The following ZSCAN5A variants were observed in gnomAD, a reference collection of about 807,000 sequenced individuals.
ZSCAN5A encodes zinc finger and SCAN domain-containing protein 5A.
ZSCAN5A carries 12 observed loss-of-function variants against 23.7 expected under a neutral mutation model. That is an observed-to-expected ratio of 0.51 (90% CI 0.32 to 0.82). The LOEUF is 0.82. ZSCAN5A is among the 40% of genes least tolerant of loss of function. The pLI is 0.03. For synonymous variants in ZSCAN5A, 257 were observed against 239.9 expected (o/e 1.07, Z -0.66); for missense variants, 597 against 617.9 (o/e 0.97, Z 0.36).
At chr19:56,247,911 C>T (rs539855356) in intron 2 of ZSCAN5A, among the ~76,000 whole-genome samples, 1 of 152,140 alleles carries the variant, frequency 6.6e-6, no homozygotes, top group African/African-American at 2.4e-5. Context: ...AGGATGGTCT[C>T]GATCTCCTGA....
Position 56,225,174 on chromosome 19 carries a change from C to CT in ZSCAN5A, c.-127-2dup. Reference sequence around the variant, plus strand: ...ATAGATTCACTGTTCATTCAGAAGTCTGGGGGGGAAAAGTATGAGCCTCAT... The same window carrying CT: ...ATAGATTCACTGTTCATTCAGAAGTCTTGGGGGGGAAAAGTATGAGCCTCAT... On this transcript the variant is annotated splice_acceptor_variant, in intron 2 of 5. Coordinates refer to ENST00000683990, the MANE Select transcript of ZSCAN5A (RefSeq NM_001322064.3). LOFTEE classifies it low-confidence loss of function (5UTR_SPLICE). The CT allele has an allele frequency of 3.6e-6, 5 of 1,379,802 alleles. No homozygotes were observed. Among genetic ancestry groups the CT allele is most frequent in the Non-Finnish European group, 4.6e-6 (5 of 1,076,246 alleles). The allele number at this position is 1,379,802 out of a possible 1,614,324, so 85.5% of individuals were successfully genotyped here.
intron 2 of ZSCAN5A, among the ~76,000 whole-genome samples, chr19:56,359,088 A>G (rs10418348): frequency 1.3e-5 from 2 of 152,106 alleles, no homozygotes; most frequent in African/African-American, 4.8e-5. Flanking sequence ...GCACAACTGA[A>G]GAAGAAAGAG....
chr19:56,252,607 G>A (rs1417161205), intron 2 of ZSCAN5A, among the ~76,000 whole-genome samples: 2 of 152,176 alleles, frequency 1.3e-5, no homozygotes, highest in Non-Finnish European at 2.9e-5. Flanking sequence ...AGAAGAGGGA[G>A]TACCCAGGTT....
rs749986484 is a variant in ZSCAN5A at position 56,221,955 on chromosome 19, G to C, written c.1111C>G (p.Leu371Val). The change falls in exon 6 of 6, where the codon CTA becomes GTA. Residue 371 changes from leucine to valine, a missense_variant. Leu to Val is a conservative substitution (Grantham distance 32). This residue lies in a region of ZSCAN5A where 406 missense variants were observed against 353.2 expected (regional missense o/e 1.15). Coordinates refer to ENST00000683990, the MANE Select transcript of ZSCAN5A (RefSeq NM_001322064.3). ...CEKRFTCNSK[L>V]VIHKRSHTGE... ...GTGTGTGATCTCTTGTGGATGACTA[G>C]CTTGGAATTACACGTAAACCTCTTC... The C allele has an allele frequency of 1.2e-6, 2 of 1,614,042 alleles. No individual in the cohort carries two copies. Among genetic ancestry groups the C allele is most frequent in the Admixed American group, 3.3e-5 (2 of 60,006 alleles).
Position 56,221,844 on chromosome 19 carries a change from C to G in ZSCAN5A, c.1222G>C (p.Gly408Arg), listed in dbSNP as rs1391880425. The change falls in exon 6 of 6, where the codon GGC (glycine) becomes CGC (arginine). Residue 408 changes from glycine (G) to arginine (R), a missense_variant. Gly to Arg is a moderately radical substitution (Grantham distance 125). Coordinates refer to ENST00000683990, the MANE Select transcript of ZSCAN5A (RefSeq NM_001322064.3). ...ACGTCACACGTGTAGGGCCTCTCGCCAGTGTGGGTTCGCTGGTGAAATTGG... is the reference window on the plus strand; with the variant it reads ...ACGTCACACGTGTAGGGCCTCTCGCGAGTGTGGGTTCGCTGGTGAAATTGG... Reference protein sequence around the residue: ...SLQFHQRTHTGERPYTCDVCQ... With the variant: ...SLQFHQRTHTRERPYTCDVCQ... 1 of 1,614,126 alleles carries G rather than the reference C, an allele frequency of 6.2e-7. No homozygotes were observed. The highest frequency in any genetic ancestry group is 1.1e-5 in the South Asian group (1 of 91,080).
chr19:56,223,107 C>A (rs572572042), intron 4 of ZSCAN5A, among the ~76,000 whole-genome samples: 1 of 152,278 alleles, frequency 6.6e-6, no homozygotes, highest in South Asian at 2.1e-4. Context: ...CTGCATCACC[C>A]TGCTGGAGGG....
At chr19:56,303,973 A>AG (rs2040513176) in intron 2 of ZSCAN5A, among the ~76,000 whole-genome samples, 1 of 152,184 alleles carries the variant, frequency 6.6e-6, no homozygotes, top group Non-Finnish European at 1.5e-5. Flanking sequence ...GTGACCTGAG[A>AG]GGGGCAGGGG....
chr19:56,227,257 T>C (rs753741283), intron 2 of ZSCAN5A, among the ~76,000 whole-genome samples: 9 of 152,252 alleles, frequency 5.9e-5, no homozygotes, highest in Non-Finnish European at 1.2e-4. Flanking sequence ...TTTGTAATAC[T>C]ACAAAGCATA....
Position 56,250,533 on chromosome 19 carries a change from A to G in ZSCAN5A, c.-127-25360T>C, listed in dbSNP as rs188205190. Among the ~76,000 whole-genome samples the G allele has an allele frequency of 2.6e-3, 389 of 152,278 alleles. 2 individuals carry two copies. Among genetic ancestry groups the G allele is most frequent in the African/African-American group, 8.8e-3 (364 of 41,556 alleles). On this transcript the variant is annotated intron_variant, in intron 2 of 5. Transcript: ENST00000683990. ...ACATGCTGCTCGTCAATAGACCCTCATTTCAGTGGTGAGGAGGCAGTCTCC... is the reference window on the plus strand; with the variant it reads ...ACATGCTGCTCGTCAATAGACCCTCGTTTCAGTGGTGAGGAGGCAGTCTCC...
At chr19:56,322,129 T>C (rs1239615590) in intron 2 of ZSCAN5A, 3 of 765,050 alleles carry the variant, frequency 3.9e-6, no homozygotes, top group Non-Finnish European at 7.3e-6. Flanking sequence ...GCAAAGTCAG[T>C]AGCTGAGCGT....
At position 56,357,361 on chromosome 19, in the gene ZSCAN5A, A is replaced by G. The variant is rs140456458; in HGVS notation, c.-358+5874T>C. On this transcript the variant is annotated intron_variant, in intron 2 of 6. Transcript: ENST00000587340. ...CCCCTGACACAGACTTTATCATTAC[A>G]TAATACTTACACATGTTTTGTTGGT... Among the ~76,000 whole-genome samples the G allele has an allele frequency of 1.9e-4, 29 of 148,778 alleles. 4 individuals carry two copies. Among genetic ancestry groups the G allele is most frequent in the African/African-American group, 7.1e-4 (28 of 39,524 alleles).
chr19:56,246,866 T>C (rs777707245), intron 2 of ZSCAN5A: 17 of 1,610,886 alleles, frequency 1.1e-5, no homozygotes, highest in Admixed American at 1.7e-5. Context: ...GGAGACGCTC[T>C]GAATCTGAGA....
chr19:56,295,452 G>A (rs561427801), intron 2 of ZSCAN5A, among the ~76,000 whole-genome samples: 4 of 152,066 alleles, frequency 2.6e-5, no homozygotes, highest in East Asian at 3.9e-4. Context: ...AAAATTAGCC[G>A]GGTGTGGTTG....
At chr19:56,271,027 A>G (rs2037809525) in intron 2 of ZSCAN5A, among the ~76,000 whole-genome samples, 1 of 152,254 alleles carries the variant, frequency 6.6e-6, no homozygotes, top group Non-Finnish European at 1.5e-5. Flanking sequence ...TCTACATCCC[A>G]GGCATTTGTT....
intron 2 of ZSCAN5A, among the ~76,000 whole-genome samples, chr19:56,237,269 A>G (rs1037031277): frequency 1.3e-5 from 2 of 152,192 alleles, no homozygotes; most frequent in Non-Finnish European, 2.9e-5. Context: ...CCATCCGGTA[A>G]CAGCTCCACG....
chr19:56,256,591 A>C (rs979538204), intron 2 of ZSCAN5A, among the ~76,000 whole-genome samples: 19 of 152,272 alleles, frequency 1.2e-4, no homozygotes, highest in African/African-American at 3.9e-4. Context: ...GTATATACAC[A>C]TATCCACAGA....
intron 2 of ZSCAN5A, among the ~76,000 whole-genome samples, chr19:56,240,203 C>CAA (rs369281063): frequency 0.061 from 9,227 of 150,354 alleles, 651 homozygotes; most frequent in African/African-American, 0.18. Context: ...TAAAACCAAA[C>CAA]AAAAAAAAAC....
chr19:56,327,834 G>C (rs1342894629), intron 2 of ZSCAN5A, among the ~76,000 whole-genome samples: 2 of 151,868 alleles, frequency 1.3e-5, no homozygotes, highest in East Asian at 3.9e-4. Context: ...CATATGCATA[G>C]TTGTGTGTTA....
intron 2 of ZSCAN5A, chr19:56,296,283 T>TGCTG (rs1392169138): frequency 1.3e-5 from 2 of 152,324 alleles, no homozygotes; most frequent in Admixed American, 1.3e-4. Flanking sequence ...GGTCTGGAAG[T>TGCTG]GTTTATCATG....
Sources: allele counts gnomAD v4.1 joint callset (sites outside exome capture counted in the v4.1 genomes callset), GRCh38; gene constraint gnomAD v4.1.1; regional missense constraint gnomAD v4.1.1; transcripts MANE v1.5; gene names NCBI Gene and HGNC (gene_info 2026-07-23, HGNC 2026-07-21).